Variants in PPFIA2 observed in about 807,000 individuals in gnomAD.
PPFIA2 encodes PPFI scaffold protein A2.
PPFIA2 carries 46 observed loss-of-function variants against 175.5 expected under a neutral mutation model. The ratio of observed to expected loss-of-function variants is 0.26; its 90% CI spans 0.21 to 0.34. The LOEUF (loss-of-function observed/expected upper bound fraction) is 0.34, where lower values mean the gene tolerates loss of function less well. Ranked by LOEUF, PPFIA2 falls within the 10% of genes least tolerant of loss-of-function variation. PPFIA2 has a pLI of 1.00. For synonymous variants in PPFIA2, 568 were observed against 511.4 expected, an observed-to-expected ratio of 1.11 and a Z score of -1.49; for missense variants, 1,179 against 1,506.1, an observed-to-expected ratio of 0.78 and a Z score of 3.60.
rs557062381 is a variant in PPFIA2, at chr12:81,282,412, A to C, written c.3018+598T>G. 9.7e-4 allele frequency among the ~76,000 whole-genome samples: 147 copies of C among 152,210 alleles called. 1 individual carries two copies. In the South Asian group the frequency reaches 0.03, roughly 31 times the overall value. ...AACTACCAAATTTTTTCTTATATTG[A>C]AAGGTTTCAATCAGATTGAATATAA... On this transcript the variant is annotated intron_variant, in intron 26 of 32. Coordinates refer to ENST00000549396, the MANE Select transcript of PPFIA2 (RefSeq NM_003625.5).
chr12:81,386,316 TAAATAAGAA>T (rs1461549016), intron 8 of PPFIA2, among the ~76,000 whole-genome samples: 34 of 135,872 alleles, frequency 2.5e-4, no homozygotes, highest in African/African-American at 9.1e-4. Flanking sequence ...AATAAATAAA[TAAATAAGAA>T]AAGAAAAGAA....
chr12:81,268,132 C>CTTTTTTT (rs746893824), intron 28 of PPFIA2, 45 bp from the exon 29 acceptor site: 12 of 638,096 alleles, frequency 1.9e-5, no homozygotes, highest in African/African-American at 1.6e-4. Context: ...ATTTTTCTTT[C>CTTTTTTT]TTTTTTTTTT....
At chr12:81,525,309 G>A (rs1035663317) in intron 4 of PPFIA2, among the ~76,000 whole-genome samples, 18 of 152,162 alleles carry the variant, frequency 1.2e-4, no homozygotes, top group African/African-American at 4.3e-4. Context: ...GAGGTGAAAA[G>A]ATTTTTGCAC....
At chr12:81,620,860 T>G (rs925992112) in intron 4 of PPFIA2, among the ~76,000 whole-genome samples, 1 of 152,206 alleles carries the variant, frequency 6.6e-6, no homozygotes, top group African/African-American at 2.4e-5. Context: ...GAGATACCCA[T>G]GTAAAATCAA....
At chr12:81,488,842 C>A (rs1208643634) in intron 4 of PPFIA2, among the ~76,000 whole-genome samples, 1 of 151,688 alleles carries the variant, frequency 6.6e-6, no homozygotes, top group Non-Finnish European at 1.5e-5. Context: ...GATGGATGGT[C>A]CTTTCATTTT....
chr12:81,480,558 G>C (rs2058087547), intron 4 of PPFIA2, among the ~76,000 whole-genome samples: 1 of 152,072 alleles, frequency 6.6e-6, no homozygotes, highest in Admixed American at 6.5e-5. Flanking sequence ...ATCTACCTTT[G>C]GTCTTTGATG....
At chr12:81,607,439 G>GT (rs1462406063) in intron 4 of PPFIA2, among the ~76,000 whole-genome samples, 23 of 151,988 alleles carry the variant, frequency 1.5e-4, no homozygotes, top group Non-Finnish European at 1.5e-5. Context: ...AGAATGGAAT[G>GT]TTTTTTCCAT....
chr12:81,390,406 A>T (rs530322179), intron 8 of PPFIA2, among the ~76,000 whole-genome samples: 5 of 152,038 alleles, frequency 3.3e-5, no homozygotes, highest in Non-Finnish European at 7.4e-5. Context: ...AATGTATGAG[A>T]GTTCTAATTT....
intron 8 of PPFIA2, among the ~76,000 whole-genome samples, chr12:81,387,700 G>T (rs974322804): frequency 7.2e-5 from 11 of 152,132 alleles, no homozygotes; most frequent in African/African-American, 2.6e-4. Context: ...TAAAATTATG[G>T]CAAAACCCCT....
chr12:81,445,811 C>T, intron 5 of PPFIA2, 91 bp from the exon 6 acceptor site: 1 of 1,258,732 alleles, frequency 7.9e-7, no homozygotes, highest in Non-Finnish European at 1.1e-6. Flanking sequence ...TGCAGGCTTA[C>T]ATAGTATCTA....
At chr12:81,749,129 T>C (rs2083425975) in intron 3 of PPFIA2, among the ~76,000 whole-genome samples, 1 of 144,574 alleles carries the variant, frequency 6.9e-6, no homozygotes, top group Non-Finnish European at 1.6e-5. Context: ...CAAAGTTCTA[T>C]CTGCACAACT....
chr12:81,430,677 C>A (rs917531456), intron 7 of PPFIA2: 2 of 152,012 alleles, frequency 1.3e-5, no homozygotes, highest in African/African-American at 4.8e-5. Flanking sequence ...TAGCTTCCAC[C>A]TTTGCCTGTA....
At chr12:81,359,080 A>G (rs2061266060) in intron 15 of PPFIA2, among the ~76,000 whole-genome samples, 1 of 152,092 alleles carries the variant, frequency 6.6e-6, no homozygotes, top group Non-Finnish European at 1.5e-5. Context: ...TGATGATAAT[A>G]ACAGTGACAT....
rs571508509 is a variant in PPFIA2 at position 81,423,795 on chromosome 12, A to C, written c.645+16177T>G. Reference sequence around the variant, plus strand: ...AAAAGCAAACAATTGGAAAGGAAGAAGTAAATAATCTGTATGCAAATGACA... The same window carrying C: ...AAAAGCAAACAATTGGAAAGGAAGACGTAAATAATCTGTATGCAAATGACA... On this transcript the variant is annotated intron_variant, in intron 7 of 32. Coordinates refer to ENST00000549396, the MANE Select transcript of PPFIA2 (RefSeq NM_003625.5). Among the ~76,000 whole-genome samples, 6 of 152,290 alleles carry C rather than the reference A, an allele frequency of 3.9e-5. No homozygotes were observed. In the South Asian group the frequency reaches 8.3e-4, roughly 21 times the overall value.
Position 81,362,670 on chromosome 12 carries a change from A to G in PPFIA2, c.1637+23T>C, listed in dbSNP as rs1036523291. 2.7e-6 allele frequency: 4 copies of G among 1,465,934 alleles called. No homozygotes were observed. The Admixed American group carries it at 6.0e-5, about 22-fold the overall frequency. The allele number at this position is 1,465,934 out of a possible 1,614,324, so 90.8% of individuals were successfully genotyped here. On this transcript the variant is annotated intron_variant, in intron 15 of 32. Transcript: ENST00000549396. Reference sequence around the variant, plus strand: ...CATGTTGATTTTCAGTGAATTATAGATAAGCTTTTAGTTTAATGTTACCTT... The same window carrying G: ...CATGTTGATTTTCAGTGAATTATAGGTAAGCTTTTAGTTTAATGTTACCTT...
At position 81,559,896 on chromosome 12, in the gene PPFIA2, T is replaced by C. The variant is rs188115243; in HGVS notation, c.304-102030A>G. 2.5e-3 allele frequency among the ~76,000 whole-genome samples: 378 copies of C among 152,050 alleles called. 3 individuals are homozygous for C. The highest frequency in any genetic ancestry group is 2.7e-3 in the Non-Finnish European group (184 of 67,970). On this transcript the variant is annotated intron_variant, in intron 4 of 32. Coordinates refer to ENST00000549396, the MANE Select transcript of PPFIA2 (RefSeq NM_003625.5). The stretch of plus-strand genomic sequence containing the variant: ...ACACATCGTTTCAAATAAATTAACA[T>C]CCTATCTCAGTGGACTCCTTTGGCC...
intron 4 of PPFIA2, among the ~76,000 whole-genome samples, chr12:81,586,704 T>G (rs147014066): frequency 6.6e-6 from 1 of 151,798 alleles, no homozygotes; most frequent in South Asian, 2.1e-4. Context: ...TTATATTATA[T>G]AAGCACAAAA....
At chr12:81,689,320 T>G (rs2074937790) in intron 3 of PPFIA2, among the ~76,000 whole-genome samples, 2 of 152,046 alleles carry the variant, frequency 1.3e-5, no homozygotes, top group East Asian at 3.9e-4. Context: ...GTTCAGTTTT[T>G]GAAATAAGTG....
chr12:81,458,429 C>T (rs540177523), intron 4 of PPFIA2, among the ~76,000 whole-genome samples: 45 of 151,356 alleles, frequency 3.0e-4, no homozygotes, highest in African/African-American at 9.4e-4. Flanking sequence ...TTGCGTATTG[C>T]TCAGTCTTTC....
Sources: gnomAD v4.1 joint callset for allele counts (sites outside exome capture counted in the v4.1 genomes callset) on GRCh38, gnomAD v4.1.1 for gene constraint, MANE v1.5 for transcripts, NCBI Gene and HGNC (gene_info 2026-07-23, HGNC 2026-07-21) for gene names.